The following PACC1 variants were observed in gnomAD, a reference collection of about 807,000 sequenced individuals.
PACC1 encodes the protein proton-activated chloride channel.
PACC1 carries 34 observed loss-of-function variants against 39.7 expected under a neutral mutation model. That is an observed-to-expected ratio of 0.86 (90% confidence interval 0.65 to 1.14). PACC1 has a LOEUF of 1.14. Ranked by LOEUF, PACC1 falls within the 50% of genes most tolerant of loss-of-function variation. The probability of loss-of-function intolerance (pLI) is 0.00; values close to 1 mark genes in which losing one functional copy is unlikely to be tolerated. For missense variants in PACC1, 379 were observed against 436.4 expected, an observed-to-expected ratio of 0.87 and a Z score of 1.17; for synonymous variants, 127 against 160.6, an observed-to-expected ratio of 0.79 and a Z score of 1.58.
intron 7 of PACC1, among the ~76,000 whole-genome samples, chr1:212,365,699 T>C (rs184237740): frequency 6.7e-6 from 1 of 148,320 alleles, no homozygotes; most frequent in African/African-American, 2.6e-5. Flanking sequence ...CTCTATATAC[T>C]TCATTCAGAC....
chr1:212,408,652 G>A (rs1040071469), intron 2 of PACC1, among the ~76,000 whole-genome samples: 2 of 152,188 alleles, frequency 1.3e-5, no homozygotes, highest in African/African-American at 2.4e-5. Context: ...ATGAGCCACC[G>A]TGCCCGGTCC....
chr1:212,388,888 G>A (rs879682989), intron 2 of PACC1, among the ~76,000 whole-genome samples: 4 of 152,154 alleles, frequency 2.6e-5, no homozygotes, highest in Non-Finnish European at 5.9e-5. Context: ...GCCCAGCTGA[G>A]CACAAGGCTG....
intron 4 of PACC1, among the ~76,000 whole-genome samples, chr1:212,380,845 G>A (rs759458365): frequency 3.9e-5 from 6 of 152,106 alleles, no homozygotes; most frequent in African/African-American, 4.8e-5. Context: ...ATTTTTGAAC[G>A]TGTTCTAAGT....
intron 2 of PACC1, among the ~76,000 whole-genome samples, chr1:212,391,210 T>C (rs1661307518): frequency 1.3e-5 from 2 of 152,172 alleles, no homozygotes; most frequent in South Asian, 2.1e-4. Flanking sequence ...CAGACTGACA[T>C]CTCACACGGC....
chr1:212,365,290 C>G lies in PACC1; in HGVS notation c.978G>C (p.Leu326=), dbSNP rs1452834881. 3.1e-6 allele frequency: 5 copies of G among 1,613,744 alleles called. No homozygotes were observed. The East Asian group carries it at 6.7e-5, about 22-fold the overall frequency. Residue 326 remains leucine, a synonymous_variant, in exon 8 of 8, where the codon CTG becomes CTC. Transcript: ENST00000261455. ...TAATTTTGATCATCCATTTTATACT[C>G]AGTTTGGCAAACTCTGCTGCTTTAA... ...ALFKAAEFAK[L]SIKWMIKIRK... is the part of the protein sequence containing the mutation.
Position 212,411,906 on chromosome 1 carries a change from C to T in PACC1, c.37-1385G>A, listed in dbSNP as rs1442209667. On this transcript the variant is annotated intron_variant, in intron 1 of 7. Coordinates refer to ENST00000261455, the MANE Select transcript of PACC1 (RefSeq NM_018252.3). Reference sequence around the variant, plus strand: ...CTGTAATTCCAGCACTTTGGGAGGCCGAGGTGGGCGGATCGCCTGAGGTCA... The same window carrying T: ...CTGTAATTCCAGCACTTTGGGAGGCTGAGGTGGGCGGATCGCCTGAGGTCA... Among the ~76,000 whole-genome samples the T allele has an allele frequency of 3.3e-5, 5 of 151,962 alleles. No individual in the cohort carries two copies. The South Asian group carries it at 6.2e-4, about 19-fold the overall frequency.
At chr1:212,375,343 C>G in intron 6 of PACC1, 43 bp from the exon 7 acceptor site, 1 of 1,405,804 alleles carries the variant, frequency 7.1e-7, no homozygotes, top group East Asian at 2.3e-5. Context: ...CCTCTGTGTG[C>G]CCTTCCCTTG....
At chr1:212,383,873 C>G (rs1660996544) in intron 4 of PACC1, among the ~76,000 whole-genome samples, 1 of 152,152 alleles carries the variant, frequency 6.6e-6, no homozygotes, top group African/African-American at 2.4e-5. Flanking sequence ...ATCATCTTCC[C>G]TTCGCTTCTG....
At position 212,364,272 on chromosome 1, in the gene PACC1, G is replaced by T. The variant is rs916694650; in HGVS notation, c.*943C>A. The stretch of plus-strand genomic sequence containing the variant: ...AGTAAAGAGTTAACCCAGCTTCCTC[G>T]GGGACACCAGGTCACTCTTTCTGGA... On this transcript the variant is annotated 3_prime_UTR_variant, in exon 8 of 8. Transcript: ENST00000261455. 1.3e-5 allele frequency: 2 copies of T among 151,968 alleles called. No homozygotes were observed. The highest frequency in any genetic ancestry group is 1.3e-4 in the Admixed American group (2 of 15,240). 9.4% of individuals were successfully genotyped at this position (151,968 alleles called of 1,614,324 possible).
chr1:212,369,636 C>T (rs566967394), intron 7 of PACC1, among the ~76,000 whole-genome samples: 61 of 152,082 alleles, frequency 4.0e-4, no homozygotes, highest in African/African-American at 1.4e-3. Context: ...CAAAAATGAG[C>T]CAGGTGTGGT....
At chr1:212,375,142 A>C in intron 7 of PACC1, 51 bp downstream of exon 7, 15 of 1,401,178 alleles carry the variant, frequency 1.1e-5, no homozygotes, top group Non-Finnish European at 1.4e-5. Flanking sequence ...CATAATCTTA[A>C]ATAATACTAT....
At chr1:212,403,730 A>C (rs576893561) in intron 2 of PACC1, among the ~76,000 whole-genome samples, 1 of 151,768 alleles carries the variant, frequency 6.6e-6, no homozygotes, top group South Asian at 2.1e-4. Context: ...ATGCCCAACT[A>C]ATTTTTGTGT....
Position 212,379,964 on chromosome 1 carries a change from T to C in PACC1, c.569A>G (p.Asn190Ser), listed in dbSNP as rs752077661. 1.9e-6 allele frequency: 3 copies of C among 1,614,208 alleles called. No homozygotes were observed. Among genetic ancestry groups the C allele is most frequent in the Non-Finnish European group, 2.5e-6 (3 of 1,180,034 alleles). The change falls in exon 5 of 8, where the codon AAC (asparagine) becomes AGC (serine). Residue 190 changes from asparagine (N) to serine (S), a missense_variant. Asn to Ser is a conservative substitution (Grantham distance 46). Coordinates refer to ENST00000261455, the MANE Select transcript of PACC1 (RefSeq NM_018252.3). The stretch of plus-strand genomic sequence containing the variant: ...GGCGCTGAAGTCCTCACTACTCTTG[T>C]TCAGGCGGAACTGGAGGAAGACCAG... ...RELVFLQFRL[N>S]KSSEDFSAID... is the part of the protein sequence containing the mutation.
intron 2 of PACC1, among the ~76,000 whole-genome samples, chr1:212,409,296 C>T (rs556734868): frequency 5.3e-5 from 8 of 152,118 alleles, no homozygotes; most frequent in African/African-American, 1.7e-4. Flanking sequence ...GACTATGAGA[C>T]GGTGCTGGAG....
chr1:212,376,497 G>A (rs1300362002), intron 6 of PACC1, among the ~76,000 whole-genome samples: 1 of 152,206 alleles, frequency 6.6e-6, no homozygotes, highest in Non-Finnish European at 1.5e-5. Context: ...AGATGGGGTT[G>A]AACTTAATTG....
At chr1:212,374,684 T>G (rs1159217715) in intron 7 of PACC1, among the ~76,000 whole-genome samples, 2 of 152,172 alleles carry the variant, frequency 1.3e-5, no homozygotes, top group African/African-American at 2.4e-5. Flanking sequence ...TATGTATCAA[T>G]TTTTTTAAAA....
At chr1:212,400,988 G>A (rs1327700300) in intron 2 of PACC1, among the ~76,000 whole-genome samples, 1 of 152,168 alleles carries the variant, frequency 6.6e-6, no homozygotes, top group Non-Finnish European at 1.5e-5. Context: ...ACCTTGCAGG[G>A]AGCACTAGGC....
intron 2 of PACC1, among the ~76,000 whole-genome samples, chr1:212,394,474 A>G (rs569068018): frequency 2.7e-4 from 41 of 152,350 alleles, no homozygotes; most frequent in Middle Eastern, 6.8e-3. Flanking sequence ...CCTACAGCCA[A>G]TATCATACTG....
chr1:212,391,300 C>CA (rs1267655873), intron 2 of PACC1, among the ~76,000 whole-genome samples: 1 of 152,226 alleles, frequency 6.6e-6, no homozygotes, highest in Non-Finnish European at 1.5e-5. Context: ...CGCTGTTCTG[C>CA]AGCCTCCGCT....
Sources: allele counts gnomAD v4.1 joint callset (sites outside exome capture counted in the v4.1 genomes callset), GRCh38; gene constraint gnomAD v4.1.1; transcripts MANE v1.5; gene names NCBI Gene and HGNC (gene_info 2026-07-23, HGNC 2026-07-21).